Variants in IFT81 observed in about 807,000 individuals in gnomAD.
IFT81 encodes the protein intraflagellar transport 81, also known as intraflagellar transport protein 81 homolog.
Under a neutral mutation model 102.6 loss-of-function variants are expected in IFT81, and 72 were observed. The observed-to-expected ratio is 0.70, with a 90% CI of 0.58 to 0.85. The LOEUF (loss-of-function observed/expected upper bound fraction) is 0.85, where lower values mean the gene tolerates loss of function less well. Ranked by LOEUF, IFT81 falls within the 40% of genes least tolerant of loss-of-function variation. The probability of loss-of-function intolerance (pLI) is 0.00; values close to 1 mark genes in which losing one functional copy is unlikely to be tolerated. For missense variants in IFT81, 723 were observed against 787.3 expected, an observed-to-expected ratio of 0.92 and a Z score of 0.98; for synonymous variants, 237 against 242.7, an observed-to-expected ratio of 0.98 and a Z score of 0.22.
intron 15 of IFT81, 63 bp downstream of exon 15, chr12:110,204,013 C>T (rs922312703): frequency 9.9e-7 from 1 of 1,015,024 alleles, no homozygotes; most frequent in Non-Finnish European, 1.5e-6. Flanking sequence ...ACCTGTAGTC[C>T]CAGCTACTCT....
At chr12:110,174,301 A>AT (rs1896942043) in intron 11 of IFT81, among the ~76,000 whole-genome samples, 1 of 148,654 alleles carries the variant, frequency 6.7e-6, no homozygotes. Context: ...AAAAAAAAAA[A>AT]AAAAAATTAG....
intron 12 of IFT81, among the ~76,000 whole-genome samples, chr12:110,181,773 A>T (rs1054564429): frequency 2.0e-5 from 3 of 151,662 alleles, no homozygotes; most frequent in Non-Finnish European, 4.4e-5. Flanking sequence ...TTTGCTTCAT[A>T]TTTTTTTCTT....
At chr12:110,134,858 A>C in intron 5 of IFT81, 90 bp from the exon 6 acceptor site, 1 of 877,804 alleles carries the variant, frequency 1.1e-6, no homozygotes, top group South Asian at 1.6e-5. Flanking sequence ...AATGATGAAA[A>C]TGTTAGATGC....
chr12:110,216,707 G>T (rs1374531130), intron 18 of IFT81: 2 of 420,020 alleles, frequency 4.8e-6, no homozygotes, highest in East Asian at 7.1e-5. Context: ...TGTATTTTTA[G>T]TACAGATGGG....
chr12:110,198,315 A>AT (rs1265759155), intron 14 of IFT81, among the ~76,000 whole-genome samples: 1 of 151,252 alleles, frequency 6.6e-6, no homozygotes, highest in Non-Finnish European at 1.5e-5. Context: ...GAAAAAAAAA[A>AT]TTTTCATGCT....
At chr12:110,201,145 G>A (rs2137575024) in intron 14 of IFT81, among the ~76,000 whole-genome samples, 1 of 152,118 alleles carries the variant, frequency 6.6e-6, no homozygotes, top group South Asian at 2.1e-4. Context: ...ACTCATGCCT[G>A]TAATCCCAGC....
At position 110,124,398 on chromosome 12, in the gene IFT81, G is replaced by T. The variant is rs1893691230; in HGVS notation, c.-485G>T. 1 of 152,290 alleles carries T rather than the reference G, an allele frequency of 6.6e-6. No homozygotes were observed. The highest frequency in any genetic ancestry group is 2.1e-4 in the South Asian group (1 of 4,828). 9.4% of individuals were successfully genotyped at this position (152,290 alleles called of 1,614,324 possible). On this transcript the variant is annotated 5_prime_UTR_variant, in exon 1 of 19. Transcript: ENST00000242591. Reference sequence around the variant, plus strand: ...ACTCTGGGAGCGGTCTAGAGCCCGGGCGCCTCCTGGGGGGTGGGGAAACGG... The same window carrying T: ...ACTCTGGGAGCGGTCTAGAGCCCGGTCGCCTCCTGGGGGGTGGGGAAACGG...
intron 1 of IFT81, among the ~76,000 whole-genome samples, chr12:110,126,794 C>T (rs1023023756): frequency 4.6e-5 from 7 of 152,160 alleles, no homozygotes; most frequent in Non-Finnish European, 8.8e-5. Flanking sequence ...TGGATGCCTA[C>T]CGGCCACACC....
At chr12:110,157,290 C>T (rs1186027512) in intron 10 of IFT81, among the ~76,000 whole-genome samples, 3 of 151,754 alleles carry the variant, frequency 2.0e-5, no homozygotes, top group Admixed American at 6.6e-5. Flanking sequence ...CGGAGGTTGC[C>T]GTGAGCCAAG....
intron 12 of IFT81, among the ~76,000 whole-genome samples, chr12:110,184,337 G>A (rs190596061): frequency 2.6e-5 from 4 of 152,148 alleles, no homozygotes; most frequent in East Asian, 3.9e-4. Context: ...GTGACAGAGC[G>A]AGACTCCATC....
intron 14 of IFT81, among the ~76,000 whole-genome samples, chr12:110,196,836 A>C (rs185100425): frequency 4.4e-4 from 67 of 152,294 alleles, no homozygotes; most frequent in Middle Eastern, 3.4e-3. Flanking sequence ...TCTTATGATT[A>C]GTATTGCTTC....
chr12:110,139,818 T>TAAAATA (rs1555260154), intron 8 of IFT81, among the ~76,000 whole-genome samples: 3 of 105,500 alleles, frequency 2.8e-5, no homozygotes, highest in South Asian at 2.7e-4. Context: ...TAAAATAAAA[T>TAAAATA]AAATAAAATA....
intron 17 of IFT81, among the ~76,000 whole-genome samples, chr12:110,206,574 C>T (rs1475257857): frequency 1.3e-5 from 2 of 151,766 alleles, no homozygotes; most frequent in African/African-American, 2.4e-5. Flanking sequence ...ACTTAGGAGG[C>T]CGAGGCGTGG....
intron 1 of IFT81, among the ~76,000 whole-genome samples, chr12:110,126,351 A>G (rs897979725): frequency 6.6e-6 from 1 of 151,620 alleles, no homozygotes; most frequent in Admixed American, 6.6e-5. Flanking sequence ...GTGGTCAGCT[A>G]TGAAGGACAG....
intron 18 of IFT81, among the ~76,000 whole-genome samples, chr12:110,213,108 T>C (rs1309021987): frequency 6.6e-6 from 1 of 152,176 alleles, no homozygotes; most frequent in Non-Finnish European, 1.5e-5. Context: ...CCGAAAAGAA[T>C]TTAAAATAAT....
intron 14 of IFT81, among the ~76,000 whole-genome samples, chr12:110,197,963 C>G (rs905944933): frequency 6.6e-6 from 1 of 152,192 alleles, no homozygotes; most frequent in Non-Finnish European, 1.5e-5. Context: ...CCGCCCGCCT[C>G]AGCCTCCCAA....
chr12:110,155,458 T>G (rs1895788997), intron 10 of IFT81, among the ~76,000 whole-genome samples: 1 of 150,246 alleles, frequency 6.7e-6, no homozygotes, highest in African/African-American at 2.5e-5. Context: ...TTACAGGTAC[T>G]TGCCACCATG....
At chr12:110,167,825 C>G in intron 11 of IFT81, 1 of 284,510 alleles carries the variant, frequency 3.5e-6, no homozygotes, top group South Asian at 3.1e-5. Context: ...TCTGTAAGTA[C>G]AATTTTTTTT....
chr12:110,188,202 G>T (rs555756619), intron 12 of IFT81, among the ~76,000 whole-genome samples: 60 of 151,920 alleles, frequency 3.9e-4, no homozygotes, highest in African/African-American at 1.4e-3. Context: ...CATGGTGGTG[G>T]GTGCCGGGAA....
Sources: allele counts gnomAD v4.1 joint callset (sites outside exome capture counted in the v4.1 genomes callset), GRCh38; gene constraint gnomAD v4.1.1; transcripts MANE v1.5; gene names NCBI Gene and HGNC (gene_info 2026-07-23, HGNC 2026-07-21).